Variants in DAB1 observed in about 807,000 individuals in gnomAD.
DAB1 encodes the protein disabled homolog 1.
A neutral mutation model predicts 64.6 loss-of-function variants in DAB1; 15 were observed. That is an observed-to-expected ratio of 0.23 (90% CI 0.16 to 0.36). The LOEUF (loss-of-function observed/expected upper bound fraction) is 0.36, where lower values mean the gene tolerates loss of function less well. Among genes scored for constraint, DAB1 ranks in the 10% least tolerant of loss-of-function variants. The probability of loss-of-function intolerance (pLI) is 1.00; values close to 1 mark genes in which losing one functional copy is unlikely to be tolerated. For synonymous variants in DAB1, 235 were observed against 251.9 expected (o/e 0.93, Z 0.64); for missense variants, 596 against 706.7 (o/e 0.84, Z 1.78).
At chr1:58,461,840 G>A (rs966992980) in intron 3 of DAB1, among the ~76,000 whole-genome samples, 2 of 152,168 alleles carry the variant, frequency 1.3e-5, no homozygotes, top group African/African-American at 4.8e-5. Context: ...AGAACTTTGA[G>A]ATGTAGTTCA....
At chr1:57,057,529 T>C (rs928104753) in intron 9 of DAB1, among the ~76,000 whole-genome samples, 18 of 151,908 alleles carry the variant, frequency 1.2e-4, no homozygotes, top group Non-Finnish European at 1.5e-5. Context: ...GCAAATTCAC[T>C]GGGCCCAAAT....
chr1:57,670,465 T>C (rs1175883358), intron 6 of DAB1, among the ~76,000 whole-genome samples: 10 of 152,146 alleles, frequency 6.6e-5, no homozygotes, highest in Admixed American at 6.6e-4. Context: ...TGTTGTTTGA[T>C]GTCTCTTTTT....
intron 4 of DAB1, among the ~76,000 whole-genome samples, chr1:58,241,015 C>T (rs1660267898): frequency 6.6e-6 from 1 of 152,026 alleles, no homozygotes. Context: ...ATTTTAAATC[C>T]ACACATAAAG....
At chr1:57,828,580 G>T (rs1040323031) in intron 1 of DAB1, among the ~76,000 whole-genome samples, 1 of 152,162 alleles carries the variant, frequency 6.6e-6, no homozygotes, top group Non-Finnish European at 1.5e-5. Flanking sequence ...AATGAGACAA[G>T]AAAAATGGAT....
intron 4 of DAB1, among the ~76,000 whole-genome samples, chr1:57,100,464 C>T (rs1654568347): frequency 6.6e-6 from 1 of 152,144 alleles, no homozygotes; most frequent in Admixed American, 6.5e-5. Context: ...TCTCCATCCT[C>T]AGGTTGCAAA....
At chr1:58,476,837 C>G (rs1238595130) in intron 3 of DAB1, among the ~76,000 whole-genome samples, 1 of 152,206 alleles carries the variant, frequency 6.6e-6, no homozygotes, top group Non-Finnish European at 1.5e-5. Context: ...TTTTCATCCT[C>G]ACTTCCTATA....
At position 57,544,453 on chromosome 1, in the gene DAB1, T is replaced by C. The variant is rs895149723; in HGVS notation, n.625+105139A>G. Reference sequence around the variant, plus strand: ...ATAGTAACGACTGGGTTGTGTTGTCTAAGGCCTCTGTACTTTCTGATACAT... The same window carrying C: ...ATAGTAACGACTGGGTTGTGTTGTCCAAGGCCTCTGTACTTTCTGATACAT... On this transcript the variant is annotated intron_variant and non_coding_transcript_variant, in intron 7 of 20. Transcript: ENST00000485760. Among the ~76,000 whole-genome samples, 6 of 152,344 alleles carry C rather than the reference T, an allele frequency of 3.9e-5. No homozygotes were observed. The South Asian group carries it at 8.3e-4, about 21-fold the overall frequency.
chr1:57,787,759 G>A (rs995248726), intron 6 of DAB1, among the ~76,000 whole-genome samples: 1 of 151,992 alleles, frequency 6.6e-6, no homozygotes, highest in African/African-American at 2.4e-5. Context: ...ATGTTTATTT[G>A]CAAAACACAC....
At chr1:57,728,290 T>C (rs1279914678) in intron 6 of DAB1, among the ~76,000 whole-genome samples, 1 of 152,026 alleles carries the variant, frequency 6.6e-6, no homozygotes, top group South Asian at 2.1e-4. Context: ...GGACATGAAG[T>C]ATAGTTAAAA....
intron 2 of DAB1, among the ~76,000 whole-genome samples, chr1:57,268,665 C>A (rs1041023220): frequency 6.6e-6 from 1 of 152,194 alleles, no homozygotes; most frequent in African/African-American, 2.4e-5. Context: ...TCATTAAATA[C>A]CTTCTATGTG....
intron 4 of DAB1, among the ~76,000 whole-genome samples, chr1:58,286,817 G>T (rs965426133): frequency 6.6e-6 from 1 of 152,070 alleles, no homozygotes; most frequent in Non-Finnish European, 1.5e-5. Context: ...TGCATTACTG[G>T]GTACATACCC....
At chr1:58,088,106 G>A (rs761612748) in intron 5 of DAB1, among the ~76,000 whole-genome samples, 6 of 152,228 alleles carry the variant, frequency 3.9e-5, no homozygotes, top group Non-Finnish European at 7.3e-5. Flanking sequence ...TCCAGAGAGA[G>A]GGCTGGGTTC....
At chr1:57,526,415 C>T (rs977730571) in intron 7 of DAB1, among the ~76,000 whole-genome samples, 1 of 152,144 alleles carries the variant, frequency 6.6e-6, no homozygotes, top group Non-Finnish European at 1.5e-5. Context: ...TGGAAGCATG[C>T]TTTCGTATTG....
chr1:58,415,207 C>T (rs56131602), intron 3 of DAB1, among the ~76,000 whole-genome samples: 23,043 of 152,148 alleles, frequency 0.15, 2,251 homozygotes, highest in Middle Eastern at 0.22. Flanking sequence ...AGGTGGCCAC[C>T]TGCAAGCCAG....
intron 5 of DAB1, among the ~76,000 whole-genome samples, chr1:58,116,765 ACAT>A (rs1652359407): frequency 6.6e-6 from 1 of 152,234 alleles, no homozygotes; most frequent in South Asian, 2.1e-4. Flanking sequence ...TAATTCTGAA[ACAT>A]CATGAAAAAA....
intron 6 of DAB1, among the ~76,000 whole-genome samples, chr1:57,796,284 T>C (rs753861710): frequency 6.6e-6 from 1 of 152,016 alleles, no homozygotes; most frequent in Non-Finnish European, 1.5e-5. Context: ...TACAAGCACT[T>C]TGGGAGGCCG....
At chr1:57,648,878 T>C (rs562333228) in intron 7 of DAB1, among the ~76,000 whole-genome samples, 3 of 152,320 alleles carry the variant, frequency 2.0e-5, no homozygotes, top group Middle Eastern at 3.4e-3. Context: ...GTGCTGCTAA[T>C]TAAAAGTGTT....
Position 58,041,593 on chromosome 1 carries a change from ACAAGT to A in DAB1, n.387+108913_387+108917del, listed in dbSNP as rs376166335. ...TAACCTGCCTAAGCTCACACAGCTA[ACAAGT>A]GTCAAGAGTACACAGTGGAGATTCC... On this transcript the variant is annotated intron_variant and non_coding_transcript_variant, in intron 5 of 20. Coordinates refer to the DAB1 transcript ENST00000485760. 4.2e-4 allele frequency among the ~76,000 whole-genome samples: 64 copies of A among 152,346 alleles called. No individual in the cohort carries two copies. In the South Asian group the frequency reaches 0.012, roughly 30 times the overall value.
At chr1:57,044,220 G>A (rs1648172472) in intron 9 of DAB1, among the ~76,000 whole-genome samples, 2 of 152,200 alleles carry the variant, frequency 1.3e-5, no homozygotes, top group African/African-American at 4.8e-5. Context: ...TGCTCTGTTT[G>A]TCTGTTTCCT....
Sources: gnomAD v4.1 joint callset for allele counts (sites outside exome capture counted in the v4.1 genomes callset) on GRCh38, gnomAD v4.1.1 for gene constraint, MANE v1.5 for transcripts, NCBI Gene and HGNC (gene_info 2026-07-23, HGNC 2026-07-21) for gene names.